ALKAL1: variants seen among roughly 807,000 people sequenced by gnomAD.
The protein encoded by ALKAL1 is ALK and LTK ligand 1, also known as AUG-beta.
ALKAL1 carries 23 observed loss-of-function variants against 13.5 expected under a neutral mutation model. The ratio of observed to expected loss-of-function variants is 1.70; its 90% CI spans 1.23 to 2.41. The LOEUF (loss-of-function observed/expected upper bound fraction) is 2.41, where lower values mean the gene tolerates loss of function less well. Among genes scored for constraint, ALKAL1 ranks in the 30% most tolerant of loss-of-function variants. The pLI, the probability that ALKAL1 is intolerant of heterozygous loss-of-function variation, is 0.00. For synonymous variants in ALKAL1, 85 were observed against 77.7 expected (o/e 1.09, Z -0.49); for missense variants, 181 against 178.4 (o/e 1.01, Z -0.08).
rs528492831 is a variant in ALKAL1, at chr8:52,560,550, C to G, written c.190+4517G>C. 2.0e-5 allele frequency among the ~76,000 whole-genome samples: 3 copies of G among 152,250 alleles called. No individual in the cohort carries two copies. The East Asian group carries it at 5.8e-4, about 29-fold the overall frequency. ...CCATTAAAAAGGAATTGTTTTAATC[C>G]TAGGTTTTCCTAACCAATATGTGAT... On this transcript the variant is annotated intron_variant, in intron 1 of 4. Transcript: ENST00000358543.
intron 1 of ALKAL1, among the ~76,000 whole-genome samples, chr8:52,550,642 G>C (rs1308664529): frequency 1.3e-5 from 2 of 152,180 alleles, no homozygotes; most frequent in Admixed American, 1.3e-4. Context: ...GATGTGGGCA[G>C]GGCCATGCTT....
At chr8:52,554,026 C>T (rs1454591803) in intron 1 of ALKAL1, among the ~76,000 whole-genome samples, 1 of 152,132 alleles carries the variant, frequency 6.6e-6, no homozygotes, top group East Asian at 1.9e-4. Flanking sequence ...GAGTTCGAAA[C>T]CAGCCTGACC....
At chr8:52,555,131 A>G (rs1847470166) in intron 1 of ALKAL1, among the ~76,000 whole-genome samples, 1 of 150,790 alleles carries the variant, frequency 6.6e-6, no homozygotes, top group South Asian at 2.1e-4. Flanking sequence ...AGATTGCGCC[A>G]CTGCACTCCA....
chr8:52,535,550 C>CAAAAAAAAAAAAA (rs10719477), intron 4 of ALKAL1, among the ~76,000 whole-genome samples: 3 of 68,628 alleles, frequency 4.4e-5, no homozygotes, highest in East Asian at 4.2e-4. Flanking sequence ...GACCCTGTCT[C>CAAAAAAAAAAAAA]AAAAAAAAAA....
Position 52,539,953 on chromosome 8 carries a change from GT to G in ALKAL1, c.245-43del, listed in dbSNP as rs1847297366. ...GAATGCTTATTATAAACATAGGCAT[GT>G]TTTCCAAACAAATTTCCTAGCACTT... On this transcript the variant is annotated intron_variant, in intron 2 of 4. Coordinates refer to ENST00000358543, the MANE Select transcript of ALKAL1 (RefSeq NM_207413.4). 2.6e-6 allele frequency: 4 copies of G among 1,562,400 alleles called. No homozygotes were observed. The East Asian group carries it at 9.0e-5, about 35-fold the overall frequency.
At position 52,565,310 on chromosome 8, in the gene ALKAL1, T is replaced by G; in HGVS notation, c.-54A>C. The G allele has an allele frequency of 8.0e-7, 1 of 1,247,764 alleles. No individual in the cohort carries two copies. Among genetic ancestry groups the G allele is most frequent in the Non-Finnish European group, 1.0e-6 (1 of 977,960 alleles). 77.3% of individuals were successfully genotyped at this position (1,247,764 alleles called of 1,614,324 possible). A position where few individuals can be genotyped will look rare whatever the true frequency, so the allele number is the denominator to read the frequency against. ...GACTCCGGGAGGATCCCGACGCAGGTCCGGAGGGTGCGCGGCCCAAGAGAA... is the reference window on the plus strand; with the variant it reads ...GACTCCGGGAGGATCCCGACGCAGGGCCGGAGGGTGCGCGGCCCAAGAGAA... On this transcript the variant is annotated 5_prime_UTR_variant, in exon 1 of 5. Transcript: ENST00000358543.
chr8:52,537,986 C>T (rs1363618798), intron 4 of ALKAL1, among the ~76,000 whole-genome samples: 1 of 151,538 alleles, frequency 6.6e-6, no homozygotes, highest in Non-Finnish European at 1.5e-5. Flanking sequence ...GTCCCAGCTA[C>T]TTGAGAGGCT....
At chr8:52,553,246 G>T (rs563240896) in intron 1 of ALKAL1, among the ~76,000 whole-genome samples, 1 of 152,094 alleles carries the variant, frequency 6.6e-6, no homozygotes, top group South Asian at 2.1e-4. Context: ...TATTTGGGAG[G>T]CTGAGGCAGA....
rs1221521997 is a variant in ALKAL1 at position 52,534,231 on chromosome 8, A to ATGT, written c.*381_*382insACA. ...AAATATATACTAACAGTCATATACA[A>ATGT]AAAAATCATTATTTCTCACTGGCAC... On this transcript the variant is annotated 3_prime_UTR_variant, in exon 5 of 5. Coordinates refer to ENST00000358543, the MANE Select transcript of ALKAL1 (RefSeq NM_207413.4). The ATGT allele has an allele frequency of 1.2e-5, 2 of 161,306 alleles. No individual in the cohort carries two copies. Among genetic ancestry groups the ATGT allele is most frequent in the Non-Finnish European group, 2.7e-5 (2 of 74,280 alleles). The allele number at this position is 161,306 out of a possible 1,614,324, so 10.0% of individuals were successfully genotyped here. A position where few individuals can be genotyped will look rare whatever the true frequency, so the allele number is the denominator to read the frequency against.
At chr8:52,564,730 C>G (rs1847583035) in intron 1 of ALKAL1, among the ~76,000 whole-genome samples, 1 of 152,166 alleles carries the variant, frequency 6.6e-6, no homozygotes, top group Admixed American at 6.5e-5. Flanking sequence ...GGGGTGCTGA[C>G]AGGGACCTAA....
chr8:52,564,150 TC>T (rs1847577824), intron 1 of ALKAL1, among the ~76,000 whole-genome samples: 1 of 152,150 alleles, frequency 6.6e-6, no homozygotes, highest in Non-Finnish European at 1.5e-5. Flanking sequence ...CTAGGCCCTC[TC>T]CTCTTCCCAA....
At chr8:52,559,103 T>C (rs968105698) in intron 1 of ALKAL1, among the ~76,000 whole-genome samples, 7 of 152,178 alleles carry the variant, frequency 4.6e-5, no homozygotes, top group Non-Finnish European at 1.0e-4. Flanking sequence ...GGCATTAAAC[T>C]GTTCCTGAGG....
intron 1 of ALKAL1, 100 bp from the exon 2 acceptor site, chr8:52,542,545 G>T: frequency 1.4e-6 from 1 of 733,846 alleles, no homozygotes; most frequent in Non-Finnish European, 2.2e-6. Context: ...CTAAACACAT[G>T]GATTTGTGAC....
rs1185161723 is a variant in ALKAL1, at chr8:52,552,563, GTTAT to G, written c.191-10122_191-10119del. ...TAAGAGGTTTGTCTTTTCTCCTCCA[GTTAT>G]TTATTTACTCATTTATTTACACAAG... is the stretch of plus-strand genomic sequence containing the variant. On this transcript the variant is annotated intron_variant, in intron 1 of 4. Coordinates refer to ENST00000358543, the MANE Select transcript of ALKAL1 (RefSeq NM_207413.4). Among the ~76,000 whole-genome samples, 5 of 152,104 alleles carry G rather than the reference GTTAT, an allele frequency of 3.3e-5. No homozygotes were observed. The East Asian group carries it at 7.7e-4, about 23-fold the overall frequency.
In ALKAL1 at chr8:52,542,391, C is replaced by A; in HGVS notation, c.244+1G>T. On this transcript the variant is annotated splice_donor_variant, in intron 2 of 4. Coordinates refer to ENST00000358543, the MANE Select transcript of ALKAL1 (RefSeq NM_207413.4). LOFTEE classifies it high-confidence loss of function. ...GAATCACTGATACATTTTGTACTTA[C>A]CTGTGAAATGCTTTATGAATTTGTC... 6.5e-7 allele frequency: 1 copy of A among 1,530,872 alleles called. No homozygotes were observed. The highest frequency in any genetic ancestry group is 2.2e-5 in the East Asian group (1 of 44,452). The allele number at this position is 1,530,872 out of a possible 1,614,324, so 94.8% of individuals were successfully genotyped here. A position where few individuals can be genotyped will look rare whatever the true frequency, so the allele number is the denominator to read the frequency against.
chr8:52,565,018 G>A, intron 1 of ALKAL1, 49 bp downstream of exon 1: 2 of 1,304,610 alleles, frequency 1.5e-6, no homozygotes, highest in Non-Finnish European at 9.8e-7. Context: ...GGGAATCCAC[G>A]GAGCCCCAGG....
At chr8:52,539,003 G>A (rs929333477) in intron 3 of ALKAL1, among the ~76,000 whole-genome samples, 2 of 151,876 alleles carry the variant, frequency 1.3e-5, no homozygotes, top group African/African-American at 2.4e-5. Context: ...TGTTGCCAAG[G>A]CTGGTCTCAA....
At chr8:52,551,045 A>G (rs1366341069) in intron 1 of ALKAL1, among the ~76,000 whole-genome samples, 1 of 152,208 alleles carries the variant, frequency 6.6e-6, no homozygotes, top group Non-Finnish European at 1.5e-5. Flanking sequence ...ATAAAAGTTA[A>G]TTATTTTCAC....
chr8:52,555,655 G>A (rs1847475281), intron 1 of ALKAL1, among the ~76,000 whole-genome samples: 2 of 152,012 alleles, frequency 1.3e-5, no homozygotes, highest in Non-Finnish European at 1.5e-5. Context: ...ATTGCTCCAG[G>A]GCCAGGTACT....
Sources: allele counts gnomAD v4.1 joint callset (sites outside exome capture counted in the v4.1 genomes callset), GRCh38; gene constraint gnomAD v4.1.1; transcripts MANE v1.5; gene names NCBI Gene and HGNC (gene_info 2026-07-23, HGNC 2026-07-21).